Variants in C1orf146 observed in about 807,000 individuals in gnomAD.
The protein encoded by C1orf146 is protein SPO16 homolog.
A neutral mutation model predicts 23.0 loss-of-function variants in C1orf146; 22 were observed. The ratio of observed to expected loss-of-function variants is 0.96; its 90% CI spans 0.68 to 1.36. The LOEUF is 1.36. C1orf146 is among the 40% of genes most tolerant of loss of function. The pLI, the probability that C1orf146 is intolerant of heterozygous loss-of-function variation, is 0.00. For synonymous variants in C1orf146, 59 were observed against 65.3 expected, an observed-to-expected ratio of 0.90 and a Z score of 0.47; for missense variants, 199 against 206.8, an observed-to-expected ratio of 0.96 and a Z score of 0.23.
In C1orf146 at chr1:92,227,762, A is replaced by G. The variant is rs558839709; in HGVS notation, c.-39-3620A>G. 2.1e-3 allele frequency among the ~76,000 whole-genome samples: 315 copies of G among 152,056 alleles called. 11 individuals are homozygous for G. Among genetic ancestry groups the G allele is most frequent in the Non-Finnish European group, 6.2e-4 (42 of 67,974 alleles). On this transcript the variant is annotated intron_variant, in intron 1 of 5. Coordinates refer to ENST00000370375, the MANE Select transcript of C1orf146 (RefSeq NM_001012425.2). Reference sequence around the variant, plus strand: ...GTTGCCTCCTAGCTACCATGTTTCTATTGAGAAGTCAGTTTTCAGTTTATT... The same window carrying G: ...GTTGCCTCCTAGCTACCATGTTTCTGTTGAGAAGTCAGTTTTCAGTTTATT...
At chr1:92,222,524 T>A (rs1015679240) in intron 1 of C1orf146, among the ~76,000 whole-genome samples, 3 of 143,448 alleles carry the variant, frequency 2.1e-5, no homozygotes, top group African/African-American at 5.2e-5. Context: ...TTTCCCATTA[T>A]CCCTTCTTCG....
intron 1 of C1orf146, among the ~76,000 whole-genome samples, chr1:92,219,102 C>T (rs994590288): frequency 3.9e-5 from 6 of 152,170 alleles, no homozygotes; most frequent in African/African-American, 1.4e-4. Flanking sequence ...ACATACATAT[C>T]CACATACATA....
chr1:92,238,434 A>C (rs889833806), intron 2 of C1orf146, among the ~76,000 whole-genome samples: 5 of 152,222 alleles, frequency 3.3e-5, no homozygotes, highest in Non-Finnish European at 7.3e-5. Flanking sequence ...AGATGAGATA[A>C]TATTCAGCAT....
At chr1:92,234,665 G>A (rs536992128) in intron 2 of C1orf146, among the ~76,000 whole-genome samples, 10 of 152,282 alleles carry the variant, frequency 6.6e-5, no homozygotes, top group Middle Eastern at 3.4e-3. Flanking sequence ...TCTATTGATT[G>A]GAATAGTTTC....
At chr1:92,227,253 T>C (rs777097059) in intron 1 of C1orf146, among the ~76,000 whole-genome samples, 17 of 152,152 alleles carry the variant, frequency 1.1e-4, no homozygotes, top group South Asian at 2.1e-4. Context: ...AAAGAACTTA[T>C]GGTATTTGGC....
chr1:92,228,378 T>C (rs1652020957), intron 1 of C1orf146, among the ~76,000 whole-genome samples: 1 of 152,240 alleles, frequency 6.6e-6, no homozygotes, highest in Admixed American at 6.5e-5. Flanking sequence ...CTCTTGGTTT[T>C]CAGTCTGTTC....
At chr1:92,220,806 G>A (rs1352289101) in intron 1 of C1orf146, among the ~76,000 whole-genome samples, 1 of 152,202 alleles carries the variant, frequency 6.6e-6, no homozygotes, top group Middle Eastern at 3.2e-3. Context: ...ACAAAAGCAT[G>A]AAGAATGAAG....
intron 3 of C1orf146, among the ~76,000 whole-genome samples, 184 bp downstream of exon 3, chr1:92,242,489 A>G (rs1652455987): frequency 6.6e-6 from 1 of 152,204 alleles, no homozygotes; most frequent in Non-Finnish European, 1.5e-5. Flanking sequence ...TTTAGATTAC[A>G]ATTGTTAAAA....
In C1orf146 at chr1:92,231,472, A is replaced by C; in HGVS notation, c.52A>C (p.Ser18Arg). ...KIKWTTTIIISSSLKSYEVAT... is the reference protein window; with the variant it reads ...KIKWTTTIIIRSSLKSYEVAT... ...AAAATGGACAACCACCATTATTATT[A>C]GCTCATCTCTTAAGGTAAAGGGGCA... The change falls in exon 2 of 6, where the codon AGC becomes CGC. Residue 18 changes from serine (S) to arginine (R), a missense_variant. Coordinates refer to ENST00000370375, the MANE Select transcript of C1orf146 (RefSeq NM_001012425.2). 1.2e-6 allele frequency: 2 copies of C among 1,610,828 alleles called. No homozygotes were observed. Among genetic ancestry groups the C allele is most frequent in the South Asian group, 2.2e-5 (2 of 90,214 alleles).
In C1orf146 at chr1:92,244,211, T is replaced by G; in HGVS notation, c.161-6T>G. 6.4e-7 allele frequency: 1 copy of G among 1,570,218 alleles called. No homozygotes were observed. The highest frequency in any genetic ancestry group is 8.7e-7 in the Non-Finnish European group (1 of 1,152,210). On this transcript the variant is annotated splice_polypyrimidine_tract_variant and splice_region_variant and intron_variant, in intron 3 of 5. Transcript: ENST00000370375. ...TGACATTTTATATTCAATTCACCTTTCCTAGGAGTTGCATTTTTATTAATG... is the reference window on the plus strand; with the variant it reads ...TGACATTTTATATTCAATTCACCTTGCCTAGGAGTTGCATTTTTATTAATG...
chr1:92,218,069 A>T (rs1651720006), intron 1 of C1orf146, 21 bp downstream of exon 1: 1 of 152,274 alleles, frequency 6.6e-6, no homozygotes, highest in Non-Finnish European at 1.5e-5. Flanking sequence ...AGCGCTGGGG[A>T]TGAGGCCTCG....
chr1:92,244,503 A>C lies in C1orf146; in HGVS notation c.329+118A>C, dbSNP rs1652520065. 7.5e-6 allele frequency: 6 copies of C among 797,180 alleles called. No individual in the cohort carries two copies. The South Asian group carries it at 8.2e-5, about 11-fold the overall frequency. 49.4% of individuals were successfully genotyped at this position (797,180 alleles called of 1,614,324 possible). On this transcript the variant is annotated intron_variant, in intron 4 of 5. Transcript: ENST00000370375. Reference sequence around the variant, plus strand: ...TGAACACTGTGATGTTAACCTATCAAATTTAATGAAACATGGGCCAAATAG... The same window carrying C: ...TGAACACTGTGATGTTAACCTATCACATTTAATGAAACATGGGCCAAATAG...
chr1:92,226,575 A>G (rs532791633), intron 1 of C1orf146, among the ~76,000 whole-genome samples: 19 of 152,212 alleles, frequency 1.2e-4, no homozygotes, highest in Admixed American at 5.9e-4. Context: ...CATGGATGCA[A>G]GTTAACATAT....
intron 2 of C1orf146, among the ~76,000 whole-genome samples, chr1:92,233,137 G>A (rs970797085): frequency 1.3e-5 from 2 of 152,020 alleles, no homozygotes; most frequent in Non-Finnish European, 2.9e-5. Flanking sequence ...GTCAATTTTG[G>A]CTTTTGTTGC....
intron 2 of C1orf146, among the ~76,000 whole-genome samples, chr1:92,234,609 G>A (rs1652225760): frequency 6.6e-6 from 1 of 152,222 alleles, no homozygotes; most frequent in South Asian, 2.1e-4. Context: ...TTGGTATCAG[G>A]ATGATGCTGG....
At chr1:92,232,651 A>G (rs1278009878) in intron 2 of C1orf146, among the ~76,000 whole-genome samples, 2 of 152,066 alleles carry the variant, frequency 1.3e-5, no homozygotes, top group East Asian at 3.9e-4. Context: ...GTCAAATGGT[A>G]TTTCTAGTTC....
At chr1:92,234,726 G>A (rs1282368846) in intron 2 of C1orf146, among the ~76,000 whole-genome samples, 2 of 152,190 alleles carry the variant, frequency 1.3e-5, no homozygotes, top group Non-Finnish European at 2.9e-5. Flanking sequence ...ATTAGGCTGT[G>A]AATCCATCTG....
chr1:92,242,260 T>C lies in C1orf146; in HGVS notation c.115T>C (p.Tyr39His), dbSNP rs938827409. The change falls in exon 3 of 6, where the codon TAT becomes CAT. Residue 39 changes from tyrosine (Y) to histidine (H), a missense_variant. Physicochemically the swap from Tyr to His is moderately conservative, Grantham distance 83. Coordinates refer to ENST00000370375, the MANE Select transcript of C1orf146 (RefSeq NM_001012425.2). ...ALENRSHKVR[Y>H]SDSVENGSII... The stretch of plus-strand genomic sequence containing the variant: ...AGAAAATCGAAGCCACAAAGTTCGA[T>C]ATTCAGATTCAGTGGAAAATGGATC... 3 of 1,604,146 alleles carry C rather than the reference T, an allele frequency of 1.9e-6. No homozygotes were observed. Among genetic ancestry groups the C allele is most frequent in the East Asian group, 4.5e-5 (2 of 44,498 alleles).
intron 2 of C1orf146, 92 bp downstream of exon 2, chr1:92,231,578 T>A: frequency 1.4e-6 from 1 of 723,892 alleles, no homozygotes. Flanking sequence ...CTTAGCTTAA[T>A]TATCCACAAT....
Sources: gnomAD v4.1 joint callset for allele counts (sites outside exome capture counted in the v4.1 genomes callset) on GRCh38, gnomAD v4.1.1 for gene constraint, MANE v1.5 for transcripts, NCBI Gene and HGNC (gene_info 2026-07-23, HGNC 2026-07-21) for gene names.